VRTN: variants seen among roughly 807,000 people sequenced by gnomAD.
VRTN encodes the protein vertnin.
Under a neutral mutation model 18.2 loss-of-function variants are expected in VRTN, and 5 were observed. That is an observed-to-expected ratio of 0.27 (90% CI 0.14 to 0.58). The LOEUF (loss-of-function observed/expected upper bound fraction) is 0.58. Among genes scored for constraint, VRTN ranks in the 20% least tolerant of loss-of-function variants. The pLI is 0.91. For missense variants in VRTN, 741 were observed against 939.4 expected, an observed-to-expected ratio of 0.79 and a Z score of 2.76; for synonymous variants, 381 against 393.7, an observed-to-expected ratio of 0.97 and a Z score of 0.38.
In VRTN at chr14:74,337,362, AAAAC is replaced by A. The variant is rs200208868; in HGVS notation, c.-163-345_-163-342del. On this transcript the variant is annotated intron_variant, in intron 1 of 2. Transcript: ENST00000557177. ...GCCTCAAAAAAACAAAAAACAAACA[AAAAC>A]AAACAAACAAACAAAACAACAAAAA... 3.9e-3 allele frequency among the ~76,000 whole-genome samples: 595 copies of A among 151,990 alleles called. 21 individuals are homozygous for A. In the East Asian group the frequency reaches 0.062, roughly 16 times the overall value.
At chr14:74,345,276 C>T (rs146767899), upstream of VRTN, among the ~76,000 whole-genome samples, 555 of 151,126 alleles carry the variant, frequency 3.7e-3, 1 homozygote, top group African/African-American at 0.013. Context: ...AACTCCTGGG[C>T]TCAACTGATC....
chr14:74,325,521 A>C, intron 1 of VRTN, among the ~76,000 whole-genome samples: 1 of 152,200 alleles, frequency 6.6e-6, no homozygotes, highest in Non-Finnish European at 1.5e-5. Flanking sequence ...TAAGAACTAT[A>C]AATAGGCTGG....
chr14:74,318,231 A>G lies in VRTN; in HGVS notation c.-164+15055A>G, dbSNP rs527248293. Reference sequence around the variant, plus strand: ...GGATTCTCCTGCCTCAGCCTCCTGAATAGCTGGGATTACAGGCATGTGCCA... The same window carrying G: ...GGATTCTCCTGCCTCAGCCTCCTGAGTAGCTGGGATTACAGGCATGTGCCA... On this transcript the variant is annotated intron_variant, in intron 1 of 2. Coordinates refer to the VRTN transcript ENST00000557177. Among the ~76,000 whole-genome samples, 441 of 151,466 alleles carry G rather than the reference A, an allele frequency of 2.9e-3. 4 individuals are homozygous for G. Among genetic ancestry groups the G allele is most frequent in the African/African-American group, 0.01 (415 of 41,290 alleles).
upstream of VRTN, among the ~76,000 whole-genome samples, chr14:74,345,984 A>G (rs2140209010): frequency 6.6e-6 from 1 of 151,404 alleles, no homozygotes; most frequent in Admixed American, 6.6e-5. Flanking sequence ...AAACTAGAAA[A>G]ATAAACACGT....
chr14:74,354,654 C>G (rs1478087131), intron 1 of VRTN, among the ~76,000 whole-genome samples: 1 of 151,974 alleles, frequency 6.6e-6, no homozygotes, highest in Non-Finnish European at 1.5e-5. Flanking sequence ...CCGCCCGTGT[C>G]GGCCTCCCAA....
At chr14:74,329,511 C>T (rs2085508523) in intron 1 of VRTN, among the ~76,000 whole-genome samples, 1 of 152,010 alleles carries the variant, frequency 6.6e-6, no homozygotes, top group African/African-American at 2.4e-5. Flanking sequence ...AATTGACCCA[C>T]CTTGACCCAC....
Position 74,358,721 on chromosome 14 carries a change from C to G in VRTN, c.1938C>G (p.Ile646Met). 6.2e-7 allele frequency: 1 copy of G among 1,614,192 alleles called. No homozygotes were observed. Among genetic ancestry groups the G allele is most frequent in the East Asian group, 2.2e-5 (1 of 44,884 alleles). Residue 646 changes from isoleucine (I) to methionine (M), a missense_variant, in exon 2 of 2, where the codon ATC (isoleucine) becomes ATG (methionine). Ile to Met is a conservative substitution (Grantham distance 10, BLOSUM62 1). Around this residue, in one of 3 missense-constraint regions of VRTN, gnomAD observed 61 missense variants for 104.6 expected, o/e 0.58. Coordinates refer to ENST00000256362, the MANE Select transcript of VRTN (RefSeq NM_018228.3). This position sits in a 1 kb window ranked among gnomAD's most constrained non-coding sequence, Gnocchi z 5.4. ...GCCGGATGCTGGTGATGGACATGAT[C>G]GCTACCACGAAGTTCAAGGCCCAGG... Reference protein sequence around the residue: ...RDGRMLVMDMIATTKFKAQAK... With the variant: ...RDGRMLVMDMMATTKFKAQAK...
Position 74,358,485 on chromosome 14 carries a change from G to A in VRTN, c.1702G>A (p.Gly568Arg), listed in dbSNP as rs140697985. 2 of 1,614,184 alleles carry A rather than the reference G, an allele frequency of 1.2e-6. No homozygotes were observed. Among genetic ancestry groups the A allele is most frequent in the Non-Finnish European group, 1.7e-6 (2 of 1,180,030 alleles). The change falls in exon 2 of 2, where the codon GGG (glycine) becomes AGG (arginine). Residue 568 changes from glycine (G) to arginine (R), a missense_variant. By Grantham distance (125) the Gly-to-Arg change is moderately radical (BLOSUM62 -2). Coordinates refer to ENST00000256362, the MANE Select transcript of VRTN (RefSeq NM_018228.3). The surrounding 1 kb of genome is among the most constrained non-coding windows in gnomAD (Gnocchi z 5.4). ...LQVPVPTLGK[G>R]GQEAEEKQEK... The stretch of plus-strand genomic sequence containing the variant: ...GGTGCCGGTCCCCACCTTGGGCAAA[G>A]GGGGGCAGGAGGCTGAGGAGAAGCA...
At chr14:74,338,133 A>T (rs2085577573) in intron 2 of VRTN, among the ~76,000 whole-genome samples, 1 of 152,128 alleles carries the variant, frequency 6.6e-6, no homozygotes, top group Non-Finnish European at 1.5e-5. Context: ...GTATATCTAA[A>T]AGTTTAGAAC....
rs1255143836 is a variant in VRTN, at chr14:74,328,428, T to A, written c.-163-9295T>A. On this transcript the variant is annotated intron_variant, in intron 1 of 2. Coordinates refer to the VRTN transcript ENST00000557177. ...CTTCAATTACCCCAAAATAAAAATA[T>A]ATAAATAAATATGTGTCTACAGATT... Among the ~76,000 whole-genome samples the A allele has an allele frequency of 2.0e-5, 3 of 152,322 alleles. No homozygotes were observed. In the East Asian group the frequency reaches 5.8e-4, roughly 29 times the overall value.
intron 2 of VRTN, chr14:74,337,973 A>C (rs1467579421): frequency 6.6e-6 from 1 of 152,190 alleles, no homozygotes; most frequent in African/African-American, 2.4e-5. Flanking sequence ...GTTATTAAGC[A>C]CACCCAAAAT....
intron 1 of VRTN, among the ~76,000 whole-genome samples, chr14:74,315,123 C>G (rs1405529297): frequency 6.6e-6 from 1 of 152,152 alleles, no homozygotes; most frequent in Non-Finnish European, 1.5e-5. Flanking sequence ...CTTCCAATGT[C>G]TTTCAGTTCA....
rs138309092 is a variant in VRTN, at chr14:74,350,569, A to G, written c.-2+1917A>G. On this transcript the variant is annotated intron_variant, in intron 1 of 1. Coordinates refer to ENST00000256362, the MANE Select transcript of VRTN (RefSeq NM_018228.3). Reference sequence around the variant, plus strand: ...GTTTGTCTTAAAGTCCTAAAAATCCATAAGTTTCTGGATCCATTGGATAAT... The same window carrying G: ...GTTTGTCTTAAAGTCCTAAAAATCCGTAAGTTTCTGGATCCATTGGATAAT... Among the ~76,000 whole-genome samples, 21 of 152,286 alleles carry G rather than the reference A, an allele frequency of 1.4e-4. No individual in the cohort carries two copies. The East Asian group carries it at 3.5e-3, about 25-fold the overall frequency.
chr14:74,338,582 T>G (rs1350429373), intron 2 of VRTN, among the ~76,000 whole-genome samples: 1 of 152,174 alleles, frequency 6.6e-6, no homozygotes, highest in Non-Finnish European at 1.5e-5. Context: ...AGAGATAGAA[T>G]CTTGCTCTGT....
intron 1 of VRTN, among the ~76,000 whole-genome samples, chr14:74,318,593 G>A (rs1339090617): frequency 1.3e-5 from 2 of 151,604 alleles, no homozygotes; most frequent in Non-Finnish European, 2.9e-5. Context: ...TGTATTTTTA[G>A]TAGAGAAGGC....
intron 2 of VRTN, among the ~76,000 whole-genome samples, chr14:74,342,718 A>G (rs1365266575): frequency 2.0e-5 from 3 of 152,034 alleles, no homozygotes; most frequent in African/African-American, 2.4e-5. Flanking sequence ...GCTCACTACA[A>G]CCTTGAACTC....
chr14:74,345,346 A>ATTTTTTTTTTTTTT (rs34124259), upstream of VRTN, among the ~76,000 whole-genome samples: 1 of 94,650 alleles, frequency 1.1e-5, no homozygotes, highest in Non-Finnish European at 2.0e-5. Flanking sequence ...CACCCTGCCT[A>ATTTTTTTTTTTTTT]TTTTTTTTTT....
rs141755151 is a variant in VRTN at position 74,305,391 on chromosome 14, G to A, written c.-164+2215G>A. The A allele has an allele frequency of 7.6e-3, 1,232 of 161,698 alleles. 10 individuals are homozygous for A. Among genetic ancestry groups the A allele is most frequent in the African/African-American group, 0.028 (1,168 of 41,582 alleles). The allele number at this position is 161,698 out of a possible 1,614,324, so 10.0% of individuals were successfully genotyped here. On this transcript the variant is annotated intron_variant, in intron 1 of 2. Transcript: ENST00000557177. ...ACACCAGAGTTACCAGTGAGCAAGC[G>A]GGAGGCTACTGGAGTGCAGCAGAGC...
At chr14:74,338,268 T>TAATG in intron 2 of VRTN, among the ~76,000 whole-genome samples, 1 of 152,306 alleles carries the variant, frequency 6.6e-6, no homozygotes, top group South Asian at 2.1e-4. Context: ...AAGCCATGAA[T>TAATG]AATGTTAGAT....
Sources: gnomAD v4.1 joint callset for allele counts (sites outside exome capture counted in the v4.1 genomes callset) on GRCh38, gnomAD v4.1.1 for gene constraint, gnomAD v4.1.1 regional missense constraint, Gnocchi (gnomAD v3.1) non-coding constraint, MANE v1.5 for transcripts, NCBI Gene and HGNC (gene_info 2026-07-23, HGNC 2026-07-21) for gene names.